The following PLXNA1 variants were observed in gnomAD, a reference collection of about 807,000 sequenced individuals.
PLXNA1 encodes the protein plexin-A1.
PLXNA1 carries 77 observed loss-of-function variants against 191.7 expected under a neutral mutation model. The observed-to-expected ratio is 0.40, with a 90% CI of 0.33 to 0.49. The LOEUF (loss-of-function observed/expected upper bound fraction) is 0.49, where lower values mean the gene tolerates loss of function less well. Among genes scored for constraint, PLXNA1 ranks in the 20% least tolerant of loss-of-function variants. The pLI is 0.63. For synonymous variants in PLXNA1, 1,137 were observed against 1,156.4 expected, an observed-to-expected ratio of 0.98 and a Z score of 0.34; for missense variants, 2,110 against 2,660.2, an observed-to-expected ratio of 0.79 and a Z score of 4.55.
In PLXNA1 at chr3:127,005,055, G is replaced by T. The variant is rs575231185; in HGVS notation, c.1744-35G>T. Reference sequence around the variant, plus strand: ...GTAAGGGGTGGGGGACAGCCATGGGGACCCTGCTCACCATGCCTCCTGCTG... The same window carrying T: ...GTAAGGGGTGGGGGACAGCCATGGGTACCCTGCTCACCATGCCTCCTGCTG... On this transcript the variant is annotated intron_variant, in intron 6 of 31. Transcript: ENST00000393409. The T allele has an allele frequency of 4.7e-4, 759 of 1,610,854 alleles. 5 individuals are homozygous for T. In the South Asian group the frequency reaches 7.9e-3, roughly 17 times the overall value.
intron 3 of PLXNA1, among the ~76,000 whole-genome samples, chr3:127,001,666 C>T (rs2079041401): frequency 6.6e-6 from 1 of 152,260 alleles, no homozygotes; most frequent in African/African-American, 2.4e-5. Flanking sequence ...CGCCTTCCTT[C>T]CCCCACTCCC....
chr3:126,989,627 A>G lies in PLXNA1; in HGVS notation c.1034A>G (p.Gln345Arg). ...CTGTTCACTGTGTTCGCCCAGGGCC[A>G]GAAGAACCGCGTGAAGCCACCAAAG... The part of the protein sequence containing the change: ...DVLFTVFAQG[Q>R]KNRVKPPKES... Residue 345 changes from glutamine to arginine, a missense_variant, in exon 2 of 32, where the codon CAG becomes CGG. Transcript: ENST00000393409. 4 of 1,613,130 alleles carry G rather than the reference A, an allele frequency of 2.5e-6. No homozygotes were observed. Among genetic ancestry groups the G allele is most frequent in the Non-Finnish European group, 3.4e-6 (4 of 1,179,964 alleles).
At chr3:126,984,023 G>A (rs1397701364) in intron 1 of PLXNA1, among the ~76,000 whole-genome samples, 2 of 152,182 alleles carry the variant, frequency 1.3e-5, no homozygotes, top group African/African-American at 4.8e-5. Flanking sequence ...CCCTCTCGGG[G>A]CCTCTCCAGG....
chr3:127,018,573 C>A, intron 20 of PLXNA1, 45 bp downstream of exon 20: 1 of 1,497,302 alleles, frequency 6.7e-7, no homozygotes, highest in East Asian at 2.3e-5. Context: ...CACCTCCGAG[C>A]CAGGCCCTGG....
intron 15 of PLXNA1, among the ~76,000 whole-genome samples, chr3:127,016,092 C>T (rs2079122027): frequency 6.6e-6 from 1 of 152,060 alleles, no homozygotes; most frequent in Non-Finnish European, 1.5e-5. Flanking sequence ...GTCTCGCCAG[C>T]CCTCCCCAGG....
At chr3:126,989,863 G>T in intron 2 of PLXNA1, 76 bp downstream of exon 2, 2 of 1,219,014 alleles carry the variant, frequency 1.6e-6, no homozygotes, top group Non-Finnish European at 2.3e-6. Context: ...TCAGATGCAC[G>T]CCCAGTGGTG....
At chr3:127,015,779 G>C (rs2079119779) in intron 15 of PLXNA1, among the ~76,000 whole-genome samples, 1 of 152,102 alleles carries the variant, frequency 6.6e-6, no homozygotes, top group Admixed American at 6.6e-5. Context: ...AGGGGGCCTG[G>C]TGGCTGTGGG....
chr3:127,017,640 G>A lies in PLXNA1; in HGVS notation c.3492G>A (p.Lys1164=). 1 of 1,613,532 alleles carries A rather than the reference G, an allele frequency of 6.2e-7. No homozygotes were observed. The highest frequency in any genetic ancestry group is 8.5e-7 in the Non-Finnish European group (1 of 1,179,988). ...GCCCCACTGGCCTGCTGGAGCTGAA[G>A]CCCAGCTCCCCACTCATCCTCAAGG... ...PLSPTGLLEL[K]PSSPLILKGR... is the part of the protein sequence containing the mutation. The change falls in exon 18 of 32, where the codon AAG becomes AAA. Residue 1164 remains lysine (K), a synonymous_variant. Coordinates refer to ENST00000393409, the MANE Select transcript of PLXNA1 (RefSeq NM_032242.4).
rs1559952642 is a variant in PLXNA1, at chr3:126,989,135, G to GCCAGGC, written c.544_549dup (p.Gln182_Ala183dup). 2 of 1,613,176 alleles carry GCCAGGC rather than the reference G, an allele frequency of 1.2e-6. No homozygotes were observed. The highest frequency in any genetic ancestry group is 2.7e-5 in the African/African-American group (2 of 74,960). On this transcript the variant is annotated inframe_insertion, in exon 2 of 32. Coordinates refer to ENST00000393409, the MANE Select transcript of PLXNA1 (RefSeq NM_032242.4). ...CTCATTGCCGGGCCACCGGGCCAGG[G>GCCAGGC]CCAGGCCAAGCTCTTCGTGGGCACA...
intron 1 of PLXNA1, among the ~76,000 whole-genome samples, 83 bp from the exon 2 acceptor site, chr3:126,988,438 T>C (rs766314944): frequency 5.9e-5 from 9 of 152,208 alleles, no homozygotes; most frequent in Middle Eastern, 3.2e-3. Context: ...CGCCCAGCAC[T>C]GGAAGGGCTC....
chr3:127,028,172 C>T lies in PLXNA1; in HGVS notation c.4510-9C>T, dbSNP rs114317796. 0.036 allele frequency: 57,738 copies of T among 1,613,208 alleles called. 1,190 individuals are homozygous for T. The highest frequency in any genetic ancestry group is 0.042 in the Middle Eastern group (257 of 6,062). On this transcript the variant is annotated splice_polypyrimidine_tract_variant and intron_variant, in intron 24 of 31. Transcript: ENST00000393409. ...CTGACGCTGCCCCCTTGCTCCACCC[C>T]GCCCGCAGACCCTGAACTGTGTGAA...
chr3:127,005,107 G>T lies in PLXNA1; in HGVS notation c.1761G>T (p.Trp587Cys). Residue 587 changes from tryptophan to cysteine, a missense_variant, in exon 7 of 32, where the codon TGG becomes TGT. This residue lies in a region of PLXNA1 where 903 missense variants were observed against 1,015.7 expected (regional missense o/e 0.89). Coordinates refer to ENST00000393409, the MANE Select transcript of PLXNA1 (RefSeq NM_032242.4). ...CTGCCCAGCTTGTGCTGCAGGCCTGGAACGTGCCTGACCTCTCAGCTGGCG... is the reference window on the plus strand; with the variant it reads ...CTGCCCAGCTTGTGCTGCAGGCCTGTAACGTGCCTGACCTCTCAGCTGGCG... ...MSQVPLVLQA[W>C]NVPDLSAGVN... 1 of 1,612,752 alleles carries T rather than the reference G, an allele frequency of 6.2e-7. No homozygotes were observed. Among genetic ancestry groups the T allele is most frequent in the Non-Finnish European group, 8.5e-7 (1 of 1,179,926 alleles).
chr3:127,033,282 C>T (rs1435624041), intron 31 of PLXNA1, among the ~76,000 whole-genome samples: 1 of 152,166 alleles, frequency 6.6e-6, no homozygotes, highest in Non-Finnish European at 1.5e-5. Flanking sequence ...CAGGAGGTAT[C>T]CAGGAAGGAG....
rs78052417 is a variant in PLXNA1, at chr3:127,012,030, G to T, written c.2185G>T (p.Ala729Ser). 1.2e-6 allele frequency: 2 copies of T among 1,613,608 alleles called. No homozygotes were observed. The highest frequency in any genetic ancestry group is 1.3e-5 in the African/African-American group (1 of 75,064). The change falls in exon 10 of 32, where the codon GCA (alanine) becomes TCA (serine). Residue 729 changes from alanine to serine, a missense_variant. Physicochemically the swap from Ala to Ser is moderately conservative, Grantham distance 99. This residue lies in a region of PLXNA1 where 903 missense variants were observed against 1,015.7 expected (regional missense o/e 0.89). Transcript: ENST00000393409. ...AGTGGTAAAACCCATCACCCTGGCC[G>T]CACGGAACCTGCCACAGCCACAGTC... Reference protein sequence around the residue: ...VGVVKPITLAARNLPQPQSGQ... With the variant: ...VGVVKPITLASRNLPQPQSGQ...
rs1341028632 is a variant in PLXNA1 at position 127,012,107 on chromosome 3, T to G, written c.2262T>G (p.Arg754=). ...CLFHIPGSPA[R]VTALRFNSSS... is the part of the protein sequence containing the mutation. ...TCCACATCCCGGGCAGCCCGGCCCG[T>G]GTCACCGCCCTGCGCTTCAACAGCT... The change falls in exon 10 of 32, where the codon CGT becomes CGG. Residue 754 remains arginine (R), a synonymous_variant. Transcript: ENST00000393409. 3 of 1,613,274 alleles carry G rather than the reference T, an allele frequency of 1.9e-6. No individual in the cohort carries two copies. The highest frequency in any genetic ancestry group is 2.5e-6 in the Non-Finnish European group (3 of 1,180,012).
rs141302156 is a variant in PLXNA1, at chr3:127,014,756, C to T, written c.2802C>T (p.Asp934=). Residue 934 remains aspartate (D), a synonymous_variant, in exon 14 of 32, where the codon GAC becomes GAT. Coordinates refer to ENST00000393409, the MANE Select transcript of PLXNA1 (RefSeq NM_032242.4). ...IGDASSVRAH[D]ALVEVCVRDC... ...ACGCCAGCTCCGTGCGTGCCCATGACGCCCTGGTGGAGGTGTGTGTGCGGG... is the reference window on the plus strand; with the variant it reads ...ACGCCAGCTCCGTGCGTGCCCATGATGCCCTGGTGGAGGTGTGTGTGCGGG... 448 of 1,612,520 alleles carry T rather than the reference C, an allele frequency of 2.8e-4. 2 individuals are homozygous for T. In the African/African-American group the frequency reaches 5.1e-3, roughly 18 times the overall value.
At chr3:127,029,347 A>G in intron 26 of PLXNA1, 93 bp from the exon 27 acceptor site, 1 of 1,183,474 alleles carries the variant, frequency 8.4e-7, no homozygotes, top group East Asian at 2.3e-5. Context: ...GCACAGCACT[A>G]GGGTGTCACC....
At chr3:127,011,031 G>A (rs1435469913) in intron 9 of PLXNA1, among the ~76,000 whole-genome samples, 5 of 152,152 alleles carry the variant, frequency 3.3e-5, no homozygotes, top group Non-Finnish European at 5.9e-5. Context: ...CCCGTGTCAC[G>A]GTGAGACTCC....
At chr3:126,991,688 G>C in intron 3 of PLXNA1, 122 bp downstream of exon 3, 1 of 1,085,646 alleles carries the variant, frequency 9.2e-7, no homozygotes, top group Middle Eastern at 3.1e-4. Flanking sequence ...GGCGTACAGG[G>C]GGCAGGGGGA....
Sources: gnomAD v4.1 joint callset for allele counts (sites outside exome capture counted in the v4.1 genomes callset) on GRCh38, gnomAD v4.1.1 for gene constraint, gnomAD v4.1.1 regional missense constraint, MANE v1.5 for transcripts, NCBI Gene and HGNC (gene_info 2026-07-23, HGNC 2026-07-21) for gene names.